The following IARS1 variants were observed in gnomAD, a reference collection of about 807,000 sequenced individuals.
The protein encoded by IARS1 is isoleucine--tRNA ligase, cytoplasmic.
IARS1 carries 124 observed loss-of-function variants against 168.2 expected under a neutral mutation model. That is an observed-to-expected ratio of 0.74 (90% CI 0.64 to 0.86). The LOEUF is 0.86. Among genes scored for constraint, IARS1 ranks in the 40% least tolerant of loss-of-function variants. IARS1 has a pLI of 0.00. For missense variants in IARS1, 1,452 were observed against 1,515.8 expected (o/e 0.96, Z 0.70); for synonymous variants, 532 against 529.4 (o/e 1.00, Z -0.07).
intron 9 of IARS1, among the ~76,000 whole-genome samples, chr9:92,276,668 G>C (rs1484011576): frequency 6.6e-6 from 1 of 152,172 alleles, no homozygotes; most frequent in Non-Finnish European, 1.5e-5. Context: ...ACAACTGAGG[G>C]TTCAGCGAAC....
chr9:92,213,253 AGCCTCC>A (rs1189461230), intron 33 of IARS1, among the ~76,000 whole-genome samples: 3 of 152,200 alleles, frequency 2.0e-5, no homozygotes, highest in Non-Finnish European at 4.4e-5. Flanking sequence ...GGGAAAGAAA[AGCCTCC>A]GGTATATACA....
chr9:92,282,169 G>C (rs1262105888), intron 6 of IARS1, among the ~76,000 whole-genome samples: 1 of 152,146 alleles, frequency 6.6e-6, no homozygotes, highest in Non-Finnish European at 1.5e-5. Context: ...AAAGGGTACT[G>C]TGCCCCACTC....
intron 33 of IARS1, among the ~76,000 whole-genome samples, chr9:92,215,543 A>G (rs1838525745): frequency 6.6e-6 from 1 of 151,724 alleles, no homozygotes; most frequent in South Asian, 2.1e-4. Flanking sequence ...AGAAGAATGT[A>G]TAACTAGAAT....
Position 92,271,005 on chromosome 9 carries a change from G to T in IARS1, c.1185C>A (p.His395Gln). The stretch of plus-strand genomic sequence containing the variant: ...CTGACCTCCAGCAAAAAGGGTAGCT[G>T]TGAGTGAAGGTGGTGGCAACCAGAA... ...GRLLVATTFT[H>Q]SYPFCWRSDT... Residue 395 changes from histidine (H) to glutamine (Q), a missense_variant, in exon 12 of 34, where the codon CAC becomes CAA. Coordinates refer to ENST00000443024, the MANE Select transcript of IARS1 (RefSeq NM_002161.6). The T allele has an allele frequency of 6.2e-7, 1 of 1,612,018 alleles. No homozygotes were observed. Among genetic ancestry groups the T allele is most frequent in the Non-Finnish European group, 8.5e-7 (1 of 1,178,790 alleles).
chr9:92,240,569 T>G, intron 30 of IARS1: 2 of 646,174 alleles, frequency 3.1e-6, no homozygotes, highest in South Asian at 3.6e-5. Context: ...CCTTTTTTTT[T>G]TTTTAATTGA....
intron 31 of IARS1, among the ~76,000 whole-genome samples, chr9:92,227,713 G>A (rs1564159220): frequency 6.6e-6 from 1 of 151,886 alleles, no homozygotes; most frequent in Non-Finnish European, 1.5e-5. Flanking sequence ...GCAGGGCAGA[G>A]GCGCTCCCCA....
chr9:92,262,353 C>A (rs1481690983), intron 17 of IARS1, among the ~76,000 whole-genome samples: 1 of 152,162 alleles, frequency 6.6e-6, no homozygotes, highest in African/African-American at 2.4e-5. Context: ...AGTAGGATTT[C>A]TGTGTGGGTA....
intron 15 of IARS1, 129 bp downstream of exon 15, chr9:92,265,351 T>C: frequency 1.1e-6 from 1 of 905,776 alleles, no homozygotes; most frequent in East Asian, 2.5e-5. Flanking sequence ...TACTGCAATA[T>C]GACATGAGTC....
intron 30 of IARS1, among the ~76,000 whole-genome samples, chr9:92,232,213 C>A (rs1826820806): frequency 6.6e-6 from 1 of 152,172 alleles, no homozygotes; most frequent in African/African-American, 2.4e-5. Context: ...TAGCTCCCCA[C>A]TGGTAATTTA....
chr9:92,265,938 C>T (rs1025683741), intron 14 of IARS1, among the ~76,000 whole-genome samples: 4 of 152,174 alleles, frequency 2.6e-5, no homozygotes, highest in Non-Finnish European at 4.4e-5. Context: ...CGATTACAGG[C>T]GTGAGCCACC....
intron 23 of IARS1, 145 bp from the exon 24 acceptor site, chr9:92,250,434 A>G: frequency 1.5e-6 from 1 of 669,334 alleles, no homozygotes; most frequent in Non-Finnish European, 2.6e-6. Context: ...AGGGCAGCGC[A>G]GTGCCTACCA....
rs1564171126 is a variant in IARS1 at position 92,250,278 on chromosome 9, A to G, written c.2441T>C (p.Ile814Thr). ...LMLPRVREELIDKKTESAVSQ... is the reference protein window; with the variant it reads ...LMLPRVREELTDKKTESAVSQ... ...TACTGCACTCTCTGTTTTCTTGTCAATCAATTCTTCTCTGAGTGGTAGAGG... is the reference window on the plus strand; with the variant it reads ...TACTGCACTCTCTGTTTTCTTGTCAGTCAATTCTTCTCTGAGTGGTAGAGG... Residue 814 changes from isoleucine to threonine, a missense_variant, in exon 24 of 34, where the codon ATT becomes ACT. Ile to Thr is a moderately conservative substitution (Grantham distance 89, BLOSUM62 -1). Coordinates refer to ENST00000443024, the MANE Select transcript of IARS1 (RefSeq NM_002161.6). 3.1e-6 allele frequency: 5 copies of G among 1,599,630 alleles called. No homozygotes were observed. Among genetic ancestry groups the G allele is most frequent in the Non-Finnish European group, 4.3e-6 (5 of 1,166,930 alleles).
Position 92,210,245 on chromosome 9 carries a change from CT to C in IARS1, c.*561del, listed in dbSNP as rs369543483. 4 of 152,688 alleles carry C rather than the reference CT, an allele frequency of 2.6e-5. No individual in the cohort carries two copies. Among genetic ancestry groups the C allele is most frequent in the African/African-American group, 9.6e-5 (4 of 41,568 alleles). 9.5% of individuals were successfully genotyped at this position (152,688 alleles called of 1,614,324 possible). ...TTTTATTAGATGTCTAGTCCACTGT[CT>C]TAATAAGAAACCACCATGAAGTTTT... On this transcript the variant is annotated 3_prime_UTR_variant, in exon 34 of 34. Coordinates refer to ENST00000443024, the MANE Select transcript of IARS1 (RefSeq NM_002161.6).
At chr9:92,275,670 T>C (rs765459071) in intron 9 of IARS1, among the ~76,000 whole-genome samples, 4 of 152,158 alleles carry the variant, frequency 2.6e-5, no homozygotes, top group Non-Finnish European at 4.4e-5. Flanking sequence ...AGGGTCTACT[T>C]TGGGCCTACC....
intron 1 of IARS1, chr9:92,292,568 A>T (rs563776019): frequency 6.4e-6 from 1 of 155,820 alleles, no homozygotes; most frequent in Non-Finnish European, 1.5e-5. Context: ...CTGTCCATGC[A>T]CAACAGCATC....
At chr9:92,267,819 T>G (rs183124734) in intron 14 of IARS1, among the ~76,000 whole-genome samples, 95 of 152,342 alleles carry the variant, frequency 6.2e-4, no homozygotes, top group Non-Finnish European at 1.1e-3. Flanking sequence ...TTTTTCATCA[T>G]CTATAAAGTC....
In IARS1 at chr9:92,278,037, T is replaced by G; in HGVS notation, c.834-114A>C. 3.6e-6 allele frequency: 4 copies of G among 1,114,668 alleles called. No individual in the cohort carries two copies. In the South Asian group the frequency reaches 5.3e-5, roughly 15 times the overall value. The allele number at this position is 1,114,668 out of a possible 1,614,324, so 69.0% of individuals were successfully genotyped here. A position where few individuals can be genotyped will look rare whatever the true frequency, so the allele number is the denominator to read the frequency against. On this transcript the variant is annotated intron_variant, in intron 8 of 33. Transcript: ENST00000443024. ...CTGGCTTCTTAGCCCTAGCCATTCATGCTGTAATGTGTGACTGCAAAGTAC... is the reference window on the plus strand; with the variant it reads ...CTGGCTTCTTAGCCCTAGCCATTCAGGCTGTAATGTGTGACTGCAAAGTAC...
chr9:92,258,289 G>C (rs756742314), intron 19 of IARS1, among the ~76,000 whole-genome samples: 3 of 152,142 alleles, frequency 2.0e-5, no homozygotes, highest in Non-Finnish European at 4.4e-5. Flanking sequence ...TGGTGTTCCT[G>C]GTACCAAGAA....
At chr9:92,246,140 G>A (rs912149776) in intron 26 of IARS1, among the ~76,000 whole-genome samples, 40 of 152,224 alleles carry the variant, frequency 2.6e-4, no homozygotes, top group African/African-American at 9.4e-4. Flanking sequence ...TTGAAGGCTC[G>A]TAACACTTTG....
Sources: allele counts gnomAD v4.1 joint callset (sites outside exome capture counted in the v4.1 genomes callset), GRCh38; gene constraint gnomAD v4.1.1; transcripts MANE v1.5; gene names NCBI Gene and HGNC (gene_info 2026-07-23, HGNC 2026-07-21).